The following GLIS3 variants were observed in gnomAD, a reference collection of about 807,000 sequenced individuals.
GLIS3 encodes the protein GLIS family zinc finger 3, also known as zinc finger protein GLIS3.
Under a neutral mutation model 78.6 loss-of-function variants are expected in GLIS3, and 53 were observed. That is an observed-to-expected ratio of 0.67 (90% CI 0.54 to 0.85). The LOEUF (loss-of-function observed/expected upper bound fraction) is 0.85. GLIS3 is among the 40% of genes least tolerant of loss of function. GLIS3 has a pLI of 0.00. For synonymous variants in GLIS3, 684 were observed against 509.9 expected (o/e 1.34, Z -4.60); for missense variants, 1,703 against 1,231.1 (o/e 1.38, Z -5.74).
At chr9:4,470,860 G>A in the GLIS3 span, among the ~76,000 whole-genome samples, 1 of 151,794 alleles carries the variant, frequency 6.6e-6, no homozygotes, top group African/African-American at 2.4e-5. Flanking sequence ...AAACCCCATT[G>A]TCTCAGCCCA....
intron 2 of GLIS3, among the ~76,000 whole-genome samples, chr9:4,314,874 G>A (rs886968452): frequency 2.0e-5 from 3 of 152,192 alleles, no homozygotes; most frequent in African/African-American, 7.2e-5. Flanking sequence ...CGGGCACCCA[G>A]CGAACCCTGC....
At chr9:4,119,849 T>C (rs998534688) in intron 3 of GLIS3, among the ~76,000 whole-genome samples, 1 of 152,264 alleles carries the variant, frequency 6.6e-6, no homozygotes, top group African/African-American at 2.4e-5. Context: ...TGTGACATTG[T>C]TGCCTTGAAA....
chr9:3,854,540 GTT>G, intron 9 of GLIS3, among the ~76,000 whole-genome samples: 1 of 61,124 alleles, frequency 1.6e-5, no homozygotes, highest in Non-Finnish European at 4.8e-5. Context: ...TTACGTTGAT[GTT>G]CTTTTTTTTT....
At chr9:4,038,323 G>A (rs1022800079) in intron 4 of GLIS3, among the ~76,000 whole-genome samples, 2 of 152,086 alleles carry the variant, frequency 1.3e-5, no homozygotes, top group African/African-American at 4.8e-5. Flanking sequence ...CCTCTCTGTT[G>A]ACACAGAGGG....
chr9:4,339,883 A>AGGGGGAGGGG (rs1817810991), intron 2 of GLIS3, among the ~76,000 whole-genome samples: 1 of 50,216 alleles, frequency 2.0e-5, no homozygotes, highest in Admixed American at 2.4e-4. Flanking sequence ...AGGGGGAGGG[A>AGGGGGAGGGG]AAGGAAAGGA....
At chr9:4,473,466 A>AAG in the GLIS3 span, among the ~76,000 whole-genome samples, 6 of 135,416 alleles carry the variant, frequency 4.4e-5, no homozygotes, top group Admixed American at 2.3e-4. Flanking sequence ...ACAACAAAAA[A>AAG]AAAGGATCAT....
At chr9:4,401,886 G>C in the GLIS3 span, among the ~76,000 whole-genome samples, 1 of 152,172 alleles carries the variant, frequency 6.6e-6, no homozygotes, top group Admixed American at 6.5e-5. Flanking sequence ...GATGGCTCCA[G>C]GGAGAGGCCC....
the GLIS3 span, among the ~76,000 whole-genome samples, chr9:4,365,373 T>G: frequency 6.6e-6 from 1 of 151,680 alleles, no homozygotes; most frequent in Admixed American, 6.6e-5. Flanking sequence ...CTGGCCAATA[T>G]GGTAAAACCC....
chr9:4,315,243 G>A (rs1002950765), intron 2 of GLIS3, among the ~76,000 whole-genome samples: 4 of 152,274 alleles, frequency 2.6e-5, no homozygotes, highest in African/African-American at 7.2e-5. Context: ...CATCTTGTCA[G>A]TCTCTAGTGC....
At position 4,095,547 on chromosome 9, in the gene GLIS3, C is replaced by T. The variant is rs114458589; in HGVS notation, c.1710+22221G>A. On this transcript the variant is annotated intron_variant, in intron 4 of 10. Coordinates refer to ENST00000381971, the MANE Select transcript of GLIS3 (RefSeq NM_001042413.2). The stretch of plus-strand genomic sequence containing the variant: ...AAGGATTACTGAATGATGGGTCAAG[C>T]TATATTAGAAGAGGAAGAGTCTGGG... Among the ~76,000 whole-genome samples the T allele has an allele frequency of 4.4e-3, 668 of 152,228 alleles. 8 individuals carry two copies. The highest frequency in any genetic ancestry group is 0.016 in the African/African-American group (647 of 41,522).
At position 4,124,567 on chromosome 9, in the gene GLIS3, G is replaced by A. The variant is rs112753590; in HGVS notation, c.596+1167C>T. On this transcript the variant is annotated intron_variant, in intron 3 of 10. Coordinates refer to ENST00000381971, the MANE Select transcript of GLIS3 (RefSeq NM_001042413.2). ...GTCCCTTAAGGCATAATCATCAATG[G>A]GAAAATGACAGCAGCTTCCCATCAC... Among the ~76,000 whole-genome samples the A allele has an allele frequency of 9.0e-3, 1,365 of 152,246 alleles. 21 individuals are homozygous for A. Among genetic ancestry groups the A allele is most frequent in the African/African-American group, 0.031 (1,277 of 41,544 alleles).
At chr9:4,026,637 T>A (rs1823372506) in intron 4 of GLIS3, among the ~76,000 whole-genome samples, 1 of 152,190 alleles carries the variant, frequency 6.6e-6, no homozygotes, top group Non-Finnish European at 1.5e-5. Flanking sequence ...CACAGATCAT[T>A]TTGTGATAAA....
intron 2 of GLIS3, among the ~76,000 whole-genome samples, chr9:4,156,976 T>C (rs1011091735): frequency 2.6e-5 from 4 of 152,136 alleles, no homozygotes; most frequent in Non-Finnish European, 2.9e-5. Context: ...GGGGGTAGGG[T>C]CAACCCATTG....
chr9:4,391,362 G>A, the GLIS3 span, among the ~76,000 whole-genome samples: 3 of 152,122 alleles, frequency 2.0e-5, no homozygotes, highest in Non-Finnish European at 2.9e-5. Flanking sequence ...AGTCTATATA[G>A]GGGGTGTGTT....
the GLIS3 span, among the ~76,000 whole-genome samples, chr9:4,442,723 C>A: frequency 6.6e-6 from 1 of 151,706 alleles, no homozygotes; most frequent in Admixed American, 6.6e-5. Context: ...TGTTATTAAT[C>A]CATTTCTTTT....
chr9:4,265,293 T>C (rs978424555), intron 2 of GLIS3, among the ~76,000 whole-genome samples: 2 of 152,024 alleles, frequency 1.3e-5, no homozygotes, highest in Admixed American at 6.5e-5. Context: ...CTACTTAACA[T>C]AGTAGCATTT....
At chr9:4,283,361 G>A (rs1473108630) in intron 2 of GLIS3, among the ~76,000 whole-genome samples, 1 of 151,646 alleles carries the variant, frequency 6.6e-6, no homozygotes, top group Non-Finnish European at 1.5e-5. Flanking sequence ...TGCCTCCCAG[G>A]CTCAAGCAAT....
At chr9:4,176,773 G>C (rs1816846858) in intron 2 of GLIS3, among the ~76,000 whole-genome samples, 1 of 152,128 alleles carries the variant, frequency 6.6e-6, no homozygotes, top group Non-Finnish European at 1.5e-5. Context: ...AAAGACACCT[G>C]CGACCACGCC....
intron 4 of GLIS3, among the ~76,000 whole-genome samples, chr9:4,104,721 A>T (rs1586679848): frequency 6.6e-6 from 1 of 151,872 alleles, no homozygotes; most frequent in African/African-American, 2.4e-5. Flanking sequence ...CTTGGCCAAC[A>T]CTCCTGCCTT....
Sources: gnomAD v4.1 joint callset for allele counts (sites outside exome capture counted in the v4.1 genomes callset) on GRCh38, gnomAD v4.1.1 for gene constraint, MANE v1.5 for transcripts, NCBI Gene and HGNC (gene_info 2026-07-23, HGNC 2026-07-21) for gene names.